GALNT18: variants seen among roughly 807,000 people sequenced by gnomAD.
GALNT18 encodes polypeptide N-acetylgalactosaminyltransferase 18.
A neutral mutation model predicts 69.5 loss-of-function variants in GALNT18; 44 were observed. That is an observed-to-expected ratio of 0.63 (90% CI 0.50 to 0.81). The LOEUF is 0.81. GALNT18 is among the 40% of genes least tolerant of loss of function. GALNT18 has a pLI of 0.00. For missense variants in GALNT18, 715 were observed against 810.0 expected (o/e 0.88, Z 1.42); for synonymous variants, 364 against 318.2 (o/e 1.14, Z -1.53).
rs796658541 is a variant in GALNT18 at position 11,618,200 on chromosome 11, T to C, written c.235+3159A>G. On this transcript the variant is annotated intron_variant, in intron 1 of 10. Coordinates refer to ENST00000227756, the MANE Select transcript of GALNT18 (RefSeq NM_198516.3). This position sits in a 1 kb window ranked among gnomAD's most constrained non-coding sequence, Gnocchi z 6.1. ...CATCCTGCAGAACATTTTGTGACAT[T>C]TGCAGCTTCAAGGAGACTTTCCTTC... Among the ~76,000 whole-genome samples, 121 of 152,172 alleles carry C rather than the reference T, an allele frequency of 8.0e-4. No individual in the cohort carries two copies. The highest frequency in any genetic ancestry group is 2.8e-3 in the African/African-American group (116 of 41,436).
At chr11:11,271,460 TCC>T (rs1848826622) in intron 10 of GALNT18, among the ~76,000 whole-genome samples, 170 bp from the exon 11 acceptor site, 2 of 152,072 alleles carry the variant, frequency 1.3e-5, no homozygotes, top group African/African-American at 4.8e-5. Context: ...TATATTAGTC[TCC>T]TCTGGAAGAC....
intron 6 of GALNT18, chr11:11,352,757 G>A (rs1564906530): frequency 6.2e-7 from 1 of 1,614,164 alleles, no homozygotes; most frequent in East Asian, 2.2e-5. Flanking sequence ...ACAATTGCTT[G>A]AAGTCTGTGT....
At chr11:11,498,499 T>A (rs935770064) in intron 1 of GALNT18, among the ~76,000 whole-genome samples, 1 of 152,342 alleles carries the variant, frequency 6.6e-6, no homozygotes, top group Non-Finnish European at 1.5e-5. Flanking sequence ...AATTTGTGAC[T>A]TGGTTAAGAA....
intron 1 of GALNT18, among the ~76,000 whole-genome samples, chr11:11,481,370 C>G (rs1856526157): frequency 1.3e-5 from 2 of 152,010 alleles, no homozygotes; most frequent in Non-Finnish European, 2.9e-5. Flanking sequence ...CATTTGAGCT[C>G]AAGAAGGAGA....
At chr11:11,355,622 C>T (rs898109791) in intron 6 of GALNT18, among the ~76,000 whole-genome samples, 2 of 152,138 alleles carry the variant, frequency 1.3e-5, no homozygotes, top group Non-Finnish European at 2.9e-5. Context: ...ATTTTAGAAA[C>T]ACTGAAATCC....
chr11:11,618,877 A>G lies in GALNT18; in HGVS notation c.235+2482T>C, dbSNP rs1860121831. Among the ~76,000 whole-genome samples, 4 of 152,290 alleles carry G rather than the reference A, an allele frequency of 2.6e-5. No individual in the cohort carries two copies. The highest frequency in any genetic ancestry group is 2.0e-4 in the Admixed American group (3 of 15,290). ...CCTCCAGTTCAGCAAAGTAAACTGG[A>G]TTGTTCAAAGGGCTATGCTGACTAG... On this transcript the variant is annotated intron_variant, in intron 1 of 10. Transcript: ENST00000227756. The surrounding 1 kb of genome is among the most constrained non-coding windows in gnomAD (Gnocchi z 6.1).
chr11:11,364,915 C>T (rs1564911679), intron 6 of GALNT18, among the ~76,000 whole-genome samples: 2 of 150,914 alleles, frequency 1.3e-5, no homozygotes, highest in Non-Finnish European at 2.9e-5. Context: ...GTTGACAATA[C>T]TGAAACAAGG....
chr11:11,480,228 A>C lies in GALNT18; in HGVS notation c.236-31292T>G, dbSNP rs573151803. ...TAAAAGAAGGGGTCAATCTTTCTTT[A>C]TTTCTTTCTTTCTTCCTTCCTTCCT... On this transcript the variant is annotated intron_variant, in intron 1 of 10. Transcript: ENST00000227756. The surrounding 1 kb of genome is among the most constrained non-coding windows in gnomAD (Gnocchi z 4.6). 5.3e-5 allele frequency among the ~76,000 whole-genome samples: 8 copies of C among 151,968 alleles called. No individual in the cohort carries two copies. The South Asian group carries it at 6.2e-4, about 12-fold the overall frequency.
At chr11:11,273,525 C>T (rs1848870306) in intron 10 of GALNT18, among the ~76,000 whole-genome samples, 1 of 152,060 alleles carries the variant, frequency 6.6e-6, no homozygotes, top group Non-Finnish European at 1.5e-5. Flanking sequence ...ATGGCTTTAA[C>T]CGAAAGACAG....
chr11:11,547,488 C>T (rs1325949832), intron 1 of GALNT18, among the ~76,000 whole-genome samples: 1 of 152,222 alleles, frequency 6.6e-6, no homozygotes, highest in Non-Finnish European at 1.5e-5. Context: ...TGGCCTGGGC[C>T]TCTATGAAGT....
chr11:11,580,263 C>A (rs893774474), intron 1 of GALNT18, among the ~76,000 whole-genome samples: 1 of 152,134 alleles, frequency 6.6e-6, no homozygotes. Flanking sequence ...AGACTCAGGG[C>A]AAACCTCATG....
In GALNT18 at chr11:11,605,734, C is replaced by T. The variant is rs527705626; in HGVS notation, c.235+15625G>A. On this transcript the variant is annotated intron_variant, in intron 1 of 10. Transcript: ENST00000227756. The surrounding 1 kb of genome is among the most constrained non-coding windows in gnomAD (Gnocchi z 4.7). ...TTTTCTGGCATTATTCTCTGCTTTT[C>T]GTGCAGTTTACTTTTTACCTTCTGC... 2.6e-5 allele frequency among the ~76,000 whole-genome samples: 4 copies of T among 152,238 alleles called. No homozygotes were observed. Among genetic ancestry groups the T allele is most frequent in the South Asian group, 2.1e-4 (1 of 4,822 alleles).
chr11:11,409,855 C>T (rs963443867), intron 3 of GALNT18, among the ~76,000 whole-genome samples: 20 of 152,204 alleles, frequency 1.3e-4, no homozygotes, highest in Admixed American at 2.6e-4. Flanking sequence ...TCTGTCTTGT[C>T]TGAGGTCACC....
intron 10 of GALNT18, among the ~76,000 whole-genome samples, chr11:11,275,599 T>G (rs1216726080): frequency 6.6e-6 from 1 of 152,244 alleles, no homozygotes; most frequent in Non-Finnish European, 1.5e-5. Flanking sequence ...AGTCATGAAG[T>G]CTTTGCCCAT....
intron 1 of GALNT18, among the ~76,000 whole-genome samples, chr11:11,527,174 C>T (rs1418132166): frequency 6.6e-6 from 1 of 152,152 alleles, no homozygotes; most frequent in African/African-American, 2.4e-5. Flanking sequence ...ACCCCCCAAC[C>T]CCTGTCCCCT....
At chr11:11,289,066 A>G (rs1849249468) in intron 10 of GALNT18, among the ~76,000 whole-genome samples, 1 of 152,150 alleles carries the variant, frequency 6.6e-6, no homozygotes, top group Non-Finnish European at 1.5e-5. Context: ...TGCAATTTGC[A>G]AAGATTAAAA....
At chr11:11,405,218 A>AC (rs11388921) in intron 3 of GALNT18, among the ~76,000 whole-genome samples, 66,580 of 151,878 alleles carry the variant, frequency 0.44, 15,842 homozygotes, top group East Asian at 0.84. Flanking sequence ...GATACAGGAG[A>AC]CAGCTCCTCT....
In GALNT18 at chr11:11,584,320, T is replaced by C. The variant is rs1859163621; in HGVS notation, c.235+37039A>G. Among the ~76,000 whole-genome samples, 1 of 152,132 alleles carries C rather than the reference T, an allele frequency of 6.6e-6. No individual in the cohort carries two copies. ...GAAGAAAAATAAATAAATAACACCTTGCAAACACAAGGGGACAGTTTGTAT... is the reference window on the plus strand; with the variant it reads ...GAAGAAAAATAAATAAATAACACCTCGCAAACACAAGGGGACAGTTTGTAT... On this transcript the variant is annotated intron_variant, in intron 1 of 10. Coordinates refer to ENST00000227756, the MANE Select transcript of GALNT18 (RefSeq NM_198516.3). The surrounding 1 kb of genome is among the most constrained non-coding windows in gnomAD (Gnocchi z 4.1).
intron 2 of GALNT18, among the ~76,000 whole-genome samples, chr11:11,440,853 C>G (rs1397491512): frequency 6.6e-6 from 1 of 152,208 alleles, no homozygotes; most frequent in Non-Finnish European, 1.5e-5. Flanking sequence ...ATTACACAAA[C>G]TTTGCAGTAC....
Sources: gnomAD v4.1 joint callset for allele counts (sites outside exome capture counted in the v4.1 genomes callset) on GRCh38, gnomAD v4.1.1 for gene constraint, Gnocchi (gnomAD v3.1) non-coding constraint, MANE v1.5 for transcripts, NCBI Gene and HGNC (gene_info 2026-07-23, HGNC 2026-07-21) for gene names.